SLC35B4: variants seen among roughly 807,000 people sequenced by gnomAD.
SLC35B4 encodes nucleotide sugar transporter SLC35B4.
In SLC35B4, 28 loss-of-function variants were observed where a neutral mutation model predicts 39.5. The observed-to-expected ratio is 0.71, with a 90% CI of 0.53 to 0.97. SLC35B4 has a LOEUF of 0.97. SLC35B4 is among the 50% of genes least tolerant of loss of function. The pLI, the probability that SLC35B4 is intolerant of heterozygous loss-of-function variation, is 0.00. For synonymous variants in SLC35B4, 145 were observed against 150.4 expected, an observed-to-expected ratio of 0.96 and a Z score of 0.26; for missense variants, 334 against 414.3, an observed-to-expected ratio of 0.81 and a Z score of 1.68.
rs1803989251 is a variant in SLC35B4 at position 134,316,656 on chromosome 7, G to A, written c.77+19C>T. 3 of 1,548,828 alleles carry A rather than the reference G, an allele frequency of 1.9e-6. No homozygotes were observed. The highest frequency in any genetic ancestry group is 2.0e-5 in the Admixed American group (1 of 50,972). ...GCCCCGCCCCGGGAGACCGGGTGCGGCCCGAGCGGGTCACTCACCGGGCCA... is the reference window on the plus strand; with the variant it reads ...GCCCCGCCCCGGGAGACCGGGTGCGACCCGAGCGGGTCACTCACCGGGCCA... On this transcript the variant is annotated intron_variant, in intron 1 of 9. Coordinates refer to ENST00000378509, the MANE Select transcript of SLC35B4 (RefSeq NM_032826.5).
At chr7:134,305,014 T>G (rs968469185) in intron 3 of SLC35B4, among the ~76,000 whole-genome samples, 160 bp from the exon 4 acceptor site, 77 of 152,204 alleles carry the variant, frequency 5.1e-4, no homozygotes, top group African/African-American at 1.7e-3. Context: ...ATGGCAAAAG[T>G]ATAAACCATA....
intron 6 of SLC35B4, among the ~76,000 whole-genome samples, chr7:134,301,532 A>G (rs1004757673): frequency 6.6e-6 from 1 of 152,244 alleles, no homozygotes; most frequent in Non-Finnish European, 1.5e-5. Context: ...AGTGGCAACC[A>G]AGAAAAACAT....
Position 134,295,238 on chromosome 7 carries a change from A to G in SLC35B4, c.750-159T>C, listed in dbSNP as rs999990390. 14 of 837,554 alleles carry G rather than the reference A, an allele frequency of 1.7e-5. 1 individual carries two copies. The South Asian group carries it at 2.3e-4, about 14-fold the overall frequency. 51.9% of individuals were successfully genotyped at this position (837,554 alleles called of 1,614,324 possible). A position where few individuals can be genotyped will look rare whatever the true frequency, so the allele number is the denominator to read the frequency against. On this transcript the variant is annotated intron_variant, in intron 9 of 9. Coordinates refer to ENST00000378509, the MANE Select transcript of SLC35B4 (RefSeq NM_032826.5). ...GCTCCTCCTGGGGAGAACCTGCAGA[A>G]CAACTCCTGTCCTGCCATTCCATTT...
rs761827070 is a variant in SLC35B4, at chr7:134,295,015, C to G, written c.814G>C (p.Val272Leu). Residue 272 changes from valine (V) to leucine (L), a missense_variant, in exon 10 of 10, where the codon GTC becomes CTC. By Grantham distance (32) the Val-to-Leu change is conservative. Transcript: ENST00000378509. ...TECASLTVTL[V>L]VTLRKFVSLI... is the part of the protein sequence containing the mutation. ...CTCACAAATTTGCGTAGGGTCACGA[C>G]GAGCGTGACGGTGAGGGAGGCGCAT... 9 of 1,614,028 alleles carry G rather than the reference C, an allele frequency of 5.6e-6. No homozygotes were observed. Among genetic ancestry groups the G allele is most frequent in the Non-Finnish European group, 6.8e-6 (8 of 1,180,048 alleles).
Position 134,306,750 on chromosome 7 carries a change from C to T in SLC35B4, c.216G>A (p.Met72Ile). 4 of 1,613,800 alleles carry T rather than the reference C, an allele frequency of 2.5e-6. No homozygotes were observed. The highest frequency in any genetic ancestry group is 3.4e-6 in the Non-Finnish European group (4 of 1,179,864). ...PIRYYAIMVT[M>I]FFTVSVVNNY... ...TGTTCACCACGCTCACGGTGAAGAACATGGTCACCATTATGGCATAGTACC... is the reference window on the plus strand; with the variant it reads ...TGTTCACCACGCTCACGGTGAAGAATATGGTCACCATTATGGCATAGTACC... The change falls in exon 3 of 10, where the codon ATG (methionine) becomes ATA (isoleucine). Residue 72 changes from methionine (M) to isoleucine (I), a missense_variant. Physicochemically the swap from Met to Ile is conservative, Grantham distance 10 (BLOSUM62 1). Coordinates refer to ENST00000378509, the MANE Select transcript of SLC35B4 (RefSeq NM_032826.5).
At chr7:134,301,397 TAA>T (rs1803576399) in intron 6 of SLC35B4, among the ~76,000 whole-genome samples, 1 of 152,204 alleles carries the variant, frequency 6.6e-6, no homozygotes, top group East Asian at 1.9e-4. Flanking sequence ...CTCGGAAATT[TAA>T]AGAGTCAATT....
intron 9 of SLC35B4, 108 bp downstream of exon 9, chr7:134,296,283 G>A: frequency 1.0e-6 from 1 of 998,552 alleles, no homozygotes; most frequent in South Asian, 1.5e-5. Context: ...AATAAATCCA[G>A]CGAAAATCAT....
intron 1 of SLC35B4, among the ~76,000 whole-genome samples, chr7:134,316,368 G>A (rs1404451338): frequency 6.6e-6 from 1 of 152,194 alleles, no homozygotes; most frequent in Non-Finnish European, 1.5e-5. Flanking sequence ...AAACTCTTCA[G>A]ACTTCAATAC....
intron 8 of SLC35B4, 105 bp downstream of exon 8, chr7:134,299,416 CAT>C (rs1358214854): frequency 2.5e-6 from 2 of 811,814 alleles, no homozygotes; most frequent in Admixed American, 2.5e-5. Flanking sequence ...GAAAGGAACA[CAT>C]GATTTGAATA....
At chr7:134,295,970 T>C (rs1803456689) in intron 9 of SLC35B4, among the ~76,000 whole-genome samples, 1 of 152,134 alleles carries the variant, frequency 6.6e-6, no homozygotes, top group African/African-American at 2.4e-5. Context: ...GCTGGGATTA[T>C]AGGCACCCAT....
intron 8 of SLC35B4, among the ~76,000 whole-genome samples, chr7:134,297,130 AG>A (rs1803485512): frequency 1.3e-5 from 2 of 152,318 alleles, no homozygotes; most frequent in African/African-American, 4.8e-5. Context: ...CATGTTGGCC[AG>A]GCTGGTCTTG....
intron 1 of SLC35B4, among the ~76,000 whole-genome samples, chr7:134,314,172 T>C (rs1585647974): frequency 2.0e-5 from 3 of 152,314 alleles, no homozygotes; most frequent in East Asian, 1.9e-4. Context: ...AAAAGAAATA[T>C]ATCTTTCTTT....
At chr7:134,315,556 G>A (rs998397821) in intron 1 of SLC35B4, among the ~76,000 whole-genome samples, 2 of 150,206 alleles carry the variant, frequency 1.3e-5, no homozygotes, top group Non-Finnish European at 3.0e-5. Flanking sequence ...TGTATAAGGT[G>A]TATAAGAAAC....
chr7:134,300,314 G>A (rs1803552626), intron 6 of SLC35B4, 53 bp from the exon 7 acceptor site: 1 of 1,322,024 alleles, frequency 7.6e-7, no homozygotes, highest in Non-Finnish European at 1.1e-6. Context: ...ATTTCCAGAT[G>A]TTTTTCTTGA....
At chr7:134,297,967 T>A (rs377262840) in intron 8 of SLC35B4, among the ~76,000 whole-genome samples, 1 of 152,216 alleles carries the variant, frequency 6.6e-6, no homozygotes, top group Admixed American at 6.5e-5. Flanking sequence ...GGAAATAAGA[T>A]GAAAGAGAAT....
intron 6 of SLC35B4, 145 bp from the exon 7 acceptor site, chr7:134,300,406 C>T (rs1803554308): frequency 9.0e-6 from 5 of 552,788 alleles, no homozygotes; most frequent in East Asian, 3.0e-5. Flanking sequence ...AATAAAAATA[C>T]ATTATTACCA....
At chr7:134,305,336 G>GTATATATATATATATA (rs112975529) in intron 3 of SLC35B4, among the ~76,000 whole-genome samples, 1 of 149,224 alleles carries the variant, frequency 6.7e-6, no homozygotes, top group African/African-American at 2.5e-5. Context: ...AAAAATATAC[G>GTATATATATATATATA]TATATATATA....
chr7:134,314,891 T>C (rs758458889), intron 1 of SLC35B4, among the ~76,000 whole-genome samples: 1 of 151,944 alleles, frequency 6.6e-6, no homozygotes, highest in Non-Finnish European at 1.5e-5. Context: ...TAAAAGTGTA[T>C]CAGATTTACA....
At chr7:134,303,198 A>G (rs1301690202) in intron 4 of SLC35B4, among the ~76,000 whole-genome samples, 2 of 152,212 alleles carry the variant, frequency 1.3e-5, no homozygotes, top group Admixed American at 6.5e-5. Flanking sequence ...AAAGAGATAC[A>G]CACAGAAAAG....
Sources: allele counts gnomAD v4.1 joint callset (sites outside exome capture counted in the v4.1 genomes callset), GRCh38; gene constraint gnomAD v4.1.1; transcripts MANE v1.5; gene names NCBI Gene and HGNC (gene_info 2026-07-23, HGNC 2026-07-21).